ZMIZ2: variants seen among roughly 807,000 people sequenced by gnomAD.
ZMIZ2 encodes the protein zinc finger MIZ-type containing 2.
ZMIZ2 carries 26 observed loss-of-function variants against 93.9 expected under a neutral mutation model. That is an observed-to-expected ratio of 0.28 (90% CI 0.20 to 0.38). The LOEUF (loss-of-function observed/expected upper bound fraction) is 0.38, where lower values mean the gene tolerates loss of function less well. Among genes scored for constraint, ZMIZ2 ranks in the 10% least tolerant of loss-of-function variants. The pLI, the probability that ZMIZ2 is intolerant of heterozygous loss-of-function variation, is 1.00. For synonymous variants in ZMIZ2, 485 were observed against 516.4 expected (o/e 0.94, Z 0.82); for missense variants, 1,023 against 1,235.0 (o/e 0.83, Z 2.57).
chr7:44,756,584 C>T (rs1329204816), intron 3 of ZMIZ2, 45 bp downstream of exon 3: 2 of 1,590,314 alleles, frequency 1.3e-6, no homozygotes, highest in Middle Eastern at 1.7e-4. Flanking sequence ...CAGAGCCTCC[C>T]AGCACTTGGC....
chr7:44,751,491 A>G (rs1790139179), intron 1 of ZMIZ2, among the ~76,000 whole-genome samples: 1 of 151,516 alleles, frequency 6.6e-6, no homozygotes, highest in Non-Finnish European at 1.5e-5. Context: ...GCCTTTGACC[A>G]CGGGCGGGGG....
In ZMIZ2 at chr7:44,765,018, C is replaced by T; in HGVS notation, c.1997+9C>T. The T allele has an allele frequency of 6.2e-7, 1 of 1,614,150 alleles. No individual in the cohort carries two copies. The highest frequency in any genetic ancestry group is 1.1e-5 in the South Asian group (1 of 91,088). ...CTGATTTACATTCAGAAGTAAGCATCCTCTTCCTGTGATCCCTGCATCTGT... is the reference window on the plus strand; with the variant it reads ...CTGATTTACATTCAGAAGTAAGCATTCTCTTCCTGTGATCCCTGCATCTGT... On this transcript the variant is annotated intron_variant, in intron 15 of 18. Coordinates refer to ENST00000309315, the MANE Select transcript of ZMIZ2 (RefSeq NM_031449.4). This position sits in a 1 kb window ranked among gnomAD's most constrained non-coding sequence, Gnocchi z 4.1.
chr7:44,764,894 C>T (rs1791548171), intron 14 of ZMIZ2, 47 bp from the exon 15 acceptor site: 2 of 1,602,514 alleles, frequency 1.2e-6, no homozygotes, highest in African/African-American at 1.3e-5. Flanking sequence ...GTGCCCAGGA[C>T]AGGGTTGTGC....
At position 44,765,695 on chromosome 7, in the gene ZMIZ2, T is replaced by C; in HGVS notation, c.2242+116T>C. 1 of 1,427,470 alleles carries C rather than the reference T, an allele frequency of 7.0e-7. No homozygotes were observed. The highest frequency in any genetic ancestry group is 9.4e-7 in the Non-Finnish European group (1 of 1,062,776). The allele number at this position is 1,427,470 out of a possible 1,614,324, so 88.4% of individuals were successfully genotyped here. On this transcript the variant is annotated intron_variant, in intron 16 of 18. Coordinates refer to ENST00000309315, the MANE Select transcript of ZMIZ2 (RefSeq NM_031449.4). The surrounding 1 kb of genome is among the most constrained non-coding windows in gnomAD (Gnocchi z 4.1). The stretch of plus-strand genomic sequence containing the variant: ...CTATGCAGGTCACACACCTAGGTTA[T>C]CAGTGTTGCCACACAAAACATGCCG...
chr7:44,757,645 G>T, intron 5 of ZMIZ2, 84 bp downstream of exon 5: 9 of 1,486,388 alleles, frequency 6.1e-6, no homozygotes, highest in Non-Finnish European at 8.0e-6. Flanking sequence ...TGGGCTCCAG[G>T]GACAAGCATG....
Position 44,763,814 on chromosome 7 carries a change from A to T in ZMIZ2, c.1860+401A>T. 5.0e-6 allele frequency: 1 copy of T among 200,364 alleles called. No homozygotes were observed. Among genetic ancestry groups the T allele is most frequent in the Non-Finnish European group, 1.0e-5 (1 of 98,064 alleles). 12.4% of individuals were successfully genotyped at this position (200,364 alleles called of 1,614,324 possible). A position where few individuals can be genotyped will look rare whatever the true frequency, so the allele number is the denominator to read the frequency against. On this transcript the variant is annotated intron_variant, in intron 13 of 18. Coordinates refer to ENST00000309315, the MANE Select transcript of ZMIZ2 (RefSeq NM_031449.4). This position sits in a 1 kb window ranked among gnomAD's most constrained non-coding sequence, Gnocchi z 5.6. ...TTACATAGTGGTCCCTATTGCACAA[A>T]CTGCTCTGTGCTGTCGTTTTTCTTC...
At chr7:44,759,116 T>G (rs1790906638) in intron 6 of ZMIZ2, among the ~76,000 whole-genome samples, 165 bp from the exon 7 acceptor site, 1 of 148,176 alleles carries the variant, frequency 6.7e-6, no homozygotes, top group African/African-American at 2.5e-5. Flanking sequence ...AACAGGCTTC[T>G]GCATGTGAGA....
At chr7:44,756,395 C>A in intron 2 of ZMIZ2, 30 bp from the exon 3 acceptor site, 1 of 1,613,788 alleles carries the variant, frequency 6.2e-7, no homozygotes, top group Non-Finnish European at 8.5e-7. Flanking sequence ...GGCTTCCTGA[C>A]CCAGGCCTCA....
chr7:44,756,372 CTT>C (rs1790589420), intron 2 of ZMIZ2, 51 bp from the exon 3 acceptor site: 1 of 1,613,872 alleles, frequency 6.2e-7, no homozygotes. Flanking sequence ...ATCCTAGACT[CTT>C]GGACACCAGT....
At chr7:44,749,865 A>G (rs1789989988) in intron 1 of ZMIZ2, 2 of 152,188 alleles carry the variant, frequency 1.3e-5, no homozygotes, top group Non-Finnish European at 2.9e-5. Flanking sequence ...GACCGTGGTG[A>G]TTACGGATAG....
chr7:44,757,725 G>A, intron 5 of ZMIZ2, 123 bp from the exon 6 acceptor site: 1 of 1,414,674 alleles, frequency 7.1e-7, no homozygotes, highest in Non-Finnish European at 9.3e-7. Flanking sequence ...TGAGGGGAGA[G>A]GTTTCTGGGG....
At position 44,765,878 on chromosome 7, in the gene ZMIZ2, G is replaced by A. The variant is rs1390929676; in HGVS notation, c.2243-286G>A. 3 of 1,346,700 alleles carry A rather than the reference G, an allele frequency of 2.2e-6. No homozygotes were observed. Among genetic ancestry groups the A allele is most frequent in the South Asian group, 1.7e-5 (1 of 57,618 alleles). The allele number at this position is 1,346,700 out of a possible 1,614,324, so 83.4% of individuals were successfully genotyped here. A position where few individuals can be genotyped will look rare whatever the true frequency, so the allele number is the denominator to read the frequency against. On this transcript the variant is annotated intron_variant, in intron 16 of 18. Coordinates refer to ENST00000309315, the MANE Select transcript of ZMIZ2 (RefSeq NM_031449.4). The surrounding 1 kb of genome is among the most constrained non-coding windows in gnomAD (Gnocchi z 4.1). ...CACCTCACAGGACTGGCCCCATCTG[G>A]GGCCCCCCTCTGGGACCCACCTCAC... is the stretch of plus-strand genomic sequence containing the variant.
chr7:44,760,111 A>G, intron 7 of ZMIZ2, 40 bp from the exon 8 acceptor site: 1 of 1,612,514 alleles, frequency 6.2e-7, no homozygotes, highest in African/African-American at 1.3e-5. Flanking sequence ...GGCAGGGGTC[A>G]GGTTGGAGCC....
At chr7:44,760,302 G>T (rs926248632) in intron 8 of ZMIZ2, 74 bp downstream of exon 8, 2 of 1,566,272 alleles carry the variant, frequency 1.3e-6, no homozygotes, top group South Asian at 1.2e-5. Flanking sequence ...GACCGGGCAG[G>T]CACCCCTGGG....
At chr7:44,764,071 G>C (rs1174886922) in intron 13 of ZMIZ2, among the ~76,000 whole-genome samples, 1 of 152,130 alleles carries the variant, frequency 6.6e-6, no homozygotes, top group East Asian at 1.9e-4. Flanking sequence ...CTGGGAGGCG[G>C]AGGTTGCAAT....
chr7:44,756,720 T>C (rs1235511068), intron 3 of ZMIZ2, 181 bp downstream of exon 3: 4 of 773,914 alleles, frequency 5.2e-6, no homozygotes, highest in African/African-American at 1.8e-5. Context: ...ACTGGTTCTC[T>C]TTCCACACCT....
chr7:44,760,408 T>G lies in ZMIZ2; in HGVS notation c.1072-17T>G. The G allele has an allele frequency of 6.2e-7, 1 of 1,612,410 alleles. No homozygotes were observed. The highest frequency in any genetic ancestry group is 8.5e-7 in the Non-Finnish European group (1 of 1,178,876). On this transcript the variant is annotated splice_polypyrimidine_tract_variant and intron_variant, in intron 8 of 18. Transcript: ENST00000309315. Reference sequence around the variant, plus strand: ...ACCCTGGCAATCTGCCTTGACTGTTTGTGCTCAACCCTACAGCCTACCCGT... The same window carrying G: ...ACCCTGGCAATCTGCCTTGACTGTTGGTGCTCAACCCTACAGCCTACCCGT...
chr7:44,750,374 A>G (rs1790032053), intron 1 of ZMIZ2, among the ~76,000 whole-genome samples: 1 of 152,150 alleles, frequency 6.6e-6, no homozygotes, highest in Non-Finnish European at 1.5e-5. Flanking sequence ...CAGGACTTTC[A>G]GCTACCTGTA....
Position 44,765,617 on chromosome 7 carries a change from C to G in ZMIZ2, c.2242+38C>G. The G allele has an allele frequency of 6.3e-7, 1 of 1,577,572 alleles. No homozygotes were observed. The highest frequency in any genetic ancestry group is 8.6e-7 in the Non-Finnish European group (1 of 1,165,130). ...GGCTAGCCTTGAACCTCAGATGACC[C>G]TGGGCATATGGCTCCTCTCCCCAGA... On this transcript the variant is annotated intron_variant, in intron 16 of 18. Transcript: ENST00000309315. The surrounding 1 kb of genome is among the most constrained non-coding windows in gnomAD (Gnocchi z 4.1).
Sources: gnomAD v4.1 joint callset for allele counts (sites outside exome capture counted in the v4.1 genomes callset) on GRCh38, gnomAD v4.1.1 for gene constraint, Gnocchi (gnomAD v3.1) non-coding constraint, MANE v1.5 for transcripts, NCBI Gene and HGNC (gene_info 2026-07-23, HGNC 2026-07-21) for gene names.